Variants in SKAP2 observed in about 807,000 individuals in gnomAD.
SKAP2 encodes src kinase associated phosphoprotein 2.
SKAP2 carries 28 observed loss-of-function variants against 54.9 expected under a neutral mutation model. The observed-to-expected ratio is 0.51, with a 90% CI of 0.38 to 0.70. SKAP2 has a LOEUF of 0.70. SKAP2 is among the 30% of genes least tolerant of loss of function. SKAP2 has a pLI of 0.00. For synonymous variants in SKAP2, 137 were observed against 134.3 expected (o/e 1.02, Z -0.14); for missense variants, 356 against 424.1 (o/e 0.84, Z 1.41).
At chr7:26,720,678 G>C (rs1787559638) in intron 9 of SKAP2, among the ~76,000 whole-genome samples, 1 of 152,180 alleles carries the variant, frequency 6.6e-6, no homozygotes, top group African/African-American at 2.4e-5. Flanking sequence ...AATCATGGCG[G>C]AAGGGGAAGC....
chr7:26,771,339 G>A (rs1783184068), intron 4 of SKAP2, among the ~76,000 whole-genome samples: 1 of 152,104 alleles, frequency 6.6e-6, no homozygotes, highest in East Asian at 1.9e-4. Context: ...TTGAACTGTT[G>A]TCCAAATTTA....
chr7:26,665,873 TATA>T (rs776061293), downstream of SKAP2, among the ~76,000 whole-genome samples: 117 of 152,294 alleles, frequency 7.7e-4, no homozygotes, highest in Admixed American at 2.0e-3. Flanking sequence ...ATTAAACTTG[TATA>T]ATAATATTTT....
chr7:26,715,468 T>C (rs544099953), intron 9 of SKAP2, among the ~76,000 whole-genome samples: 1 of 152,214 alleles, frequency 6.6e-6, no homozygotes, highest in South Asian at 2.1e-4. Context: ...CTTTGGGGAT[T>C]AATTCTCCCC....
intron 6 of SKAP2, among the ~76,000 whole-genome samples, chr7:26,729,561 G>C (rs190140642): frequency 6.6e-6 from 1 of 152,146 alleles, no homozygotes; most frequent in East Asian, 1.9e-4. Context: ...GCAAAATAAG[G>C]AACAAATATG....
At chr7:26,665,914 T>A (rs1186467527), downstream of SKAP2, among the ~76,000 whole-genome samples, 1 of 152,160 alleles carries the variant, frequency 6.6e-6, no homozygotes, top group Admixed American at 6.6e-5. Context: ...TGTTTCTCTG[T>A]ATTTTTGAAT....
intron 4 of SKAP2, among the ~76,000 whole-genome samples, chr7:26,800,915 CA>C (rs1414020557): frequency 3.3e-5 from 5 of 152,210 alleles, no homozygotes; most frequent in Middle Eastern, 6.8e-3. Context: ...TTCTACCAAA[CA>C]TTTAAAGAAC....
intron 4 of SKAP2, among the ~76,000 whole-genome samples, chr7:26,824,958 T>C (rs2127991186): frequency 6.6e-6 from 1 of 152,302 alleles, no homozygotes; most frequent in Admixed American, 6.5e-5. Context: ...CATTATTAAA[T>C]ATACTCTTGT....
chr7:26,849,299 T>C (rs6461979), intron 3 of SKAP2, among the ~76,000 whole-genome samples: 26,261 of 151,936 alleles, frequency 0.17, 2,828 homozygotes, highest in Non-Finnish European at 0.24. Context: ...CAAAATCTAT[T>C]TTTTTTTACA....
intron 4 of SKAP2, among the ~76,000 whole-genome samples, chr7:26,775,818 C>T (rs1308462272): frequency 1.3e-5 from 2 of 152,166 alleles, no homozygotes; most frequent in Non-Finnish European, 2.9e-5. Flanking sequence ...TTTCTTCACT[C>T]AGCGTAACTG....
At chr7:26,816,262 T>C (rs1784263981) in intron 4 of SKAP2, among the ~76,000 whole-genome samples, 1 of 152,174 alleles carries the variant, frequency 6.6e-6, no homozygotes, top group African/African-American at 2.4e-5. Context: ...TATGCAATTA[T>C]GAAAAAATAT....
At chr7:26,827,016 C>A (rs553825133) in intron 4 of SKAP2, among the ~76,000 whole-genome samples, 3 of 152,110 alleles carry the variant, frequency 2.0e-5, no homozygotes, top group Non-Finnish European at 2.9e-5. Flanking sequence ...GACACCAACA[C>A]CAAAATAAGT....
chr7:26,840,132 A>AG (rs1373725261), intron 4 of SKAP2, among the ~76,000 whole-genome samples: 1 of 151,980 alleles, frequency 6.6e-6, no homozygotes, highest in Non-Finnish European at 1.5e-5. Flanking sequence ...TCAGTAACCT[A>AG]GGTTATTCAG....
chr7:26,857,848 T>G (rs1785205141), intron 1 of SKAP2: 1 of 484,940 alleles, frequency 2.1e-6, no homozygotes, highest in Non-Finnish European at 2.7e-6. Context: ...CTTCTTATTG[T>G]GCTCTAAATA....
chr7:26,708,114 G>A (rs1177398659), intron 9 of SKAP2, among the ~76,000 whole-genome samples: 1 of 152,204 alleles, frequency 6.6e-6, no homozygotes, highest in Non-Finnish European at 1.5e-5. Flanking sequence ...AACCCTGAAA[G>A]CTGAAGGAGC....
At chr7:26,729,204 C>A (rs1787771460) in intron 6 of SKAP2, among the ~76,000 whole-genome samples, 1 of 152,020 alleles carries the variant, frequency 6.6e-6, no homozygotes, top group African/African-American at 2.4e-5. Flanking sequence ...CTGATACAGT[C>A]CAAGAGGAGG....
intron 4 of SKAP2, among the ~76,000 whole-genome samples, chr7:26,801,233 T>A (rs1783908033): frequency 6.6e-6 from 1 of 152,124 alleles, no homozygotes; most frequent in Non-Finnish European, 1.5e-5. Flanking sequence ...ATACATCATA[T>A]CAATAGAATG....
chr7:26,663,458 C>G (rs189696538), downstream of SKAP2, among the ~76,000 whole-genome samples: 1 of 152,066 alleles, frequency 6.6e-6, no homozygotes, highest in African/African-American at 2.4e-5. Context: ...TGGGTGTCCA[C>G]GGAATAAGAC....
chr7:26,798,371 A>G (rs1053213206), intron 4 of SKAP2, among the ~76,000 whole-genome samples: 1 of 151,668 alleles, frequency 6.6e-6, no homozygotes, highest in Non-Finnish European at 1.5e-5. Context: ...CCAAAAAAGA[A>G]CCAAGCAGAA....
chr7:26,706,673 T>C (rs1336998338), intron 9 of SKAP2, among the ~76,000 whole-genome samples: 2 of 152,168 alleles, frequency 1.3e-5, no homozygotes, highest in Admixed American at 1.3e-4. Context: ...TCATGTAAGT[T>C]CTACAAATGA....
Sources: gnomAD v4.1 joint callset for allele counts (sites outside exome capture counted in the v4.1 genomes callset) on GRCh38, gnomAD v4.1.1 for gene constraint, MANE v1.5 for transcripts, NCBI Gene and HGNC (gene_info 2026-07-23, HGNC 2026-07-21) for gene names.